ABCC1: variants seen among roughly 807,000 people sequenced by gnomAD.
ABCC1 encodes ATP binding cassette subfamily C member 1 (ABCC1 blood group), also known as multidrug resistance-associated protein 1.
ABCC1 carries 83 observed loss-of-function variants against 172.9 expected under a neutral mutation model. The observed-to-expected ratio is 0.48, with a 90% CI of 0.40 to 0.58. The LOEUF (loss-of-function observed/expected upper bound fraction) is 0.58. ABCC1 is among the 20% of genes least tolerant of loss of function. ABCC1 has a pLI of 0.00. For missense variants in ABCC1, 1,817 were observed against 2,002.7 expected, an observed-to-expected ratio of 0.91 and a Z score of 1.77; for synonymous variants, 937 against 825.2, an observed-to-expected ratio of 1.14 and a Z score of -2.32.
intron 24 of ABCC1, among the ~76,000 whole-genome samples, chr16:16,124,441 C>T (rs2045346637): frequency 6.7e-6 from 1 of 150,244 alleles, no homozygotes; most frequent in Non-Finnish European, 1.5e-5. Context: ...AGGAGTGACC[C>T]ACTACGCCCG....
intron 1 of ABCC1, among the ~76,000 whole-genome samples, chr16:15,970,027 T>G (rs2046331895): frequency 6.6e-6 from 1 of 152,096 alleles, no homozygotes; most frequent in South Asian, 2.1e-4. Context: ...GTGAGTGCAA[T>G]AGCGGGGTTT....
chr16:16,068,022 C>T, intron 12 of ABCC1, 134 bp from the exon 13 acceptor site: 1 of 883,872 alleles, frequency 1.1e-6, no homozygotes, highest in East Asian at 3.0e-5. Context: ...CCAGGTTTTT[C>T]CACGAGCTCC....
chr16:16,028,967 G>C (rs6498597), intron 5 of ABCC1, among the ~76,000 whole-genome samples: 19,029 of 152,016 alleles, frequency 0.13, 1,651 homozygotes, highest in African/African-American at 0.24. Flanking sequence ...TGGCTGTCAG[G>C]GTCCTCCCCC....
intron 1 of ABCC1, among the ~76,000 whole-genome samples, chr16:15,989,013 G>T (rs1486616590): frequency 7.5e-6 from 1 of 132,678 alleles, no homozygotes; most frequent in African/African-American, 2.9e-5. Context: ...AAGCTGTAAT[G>T]AGCTATAATC....
At chr16:16,101,173 A>T (rs2051727600) in intron 19 of ABCC1, among the ~76,000 whole-genome samples, 1 of 152,070 alleles carries the variant, frequency 6.6e-6, no homozygotes, top group Non-Finnish European at 1.5e-5. Context: ...GTGGGATTAC[A>T]GGCATGCACC....
intron 1 of ABCC1, among the ~76,000 whole-genome samples, chr16:15,985,255 G>A (rs541712805): frequency 1.3e-5 from 2 of 152,200 alleles, no homozygotes; most frequent in African/African-American, 2.4e-5. Context: ...CATTAGAAAT[G>A]CCCTGGGAGG....
Position 15,988,648 on chromosome 16 carries a change from G to A in ABCC1, c.49-19168G>A, listed in dbSNP as rs1222526680. Among the ~76,000 whole-genome samples, 5 of 152,172 alleles carry A rather than the reference G, an allele frequency of 3.3e-5. No homozygotes were observed. The East Asian group carries it at 5.8e-4, about 18-fold the overall frequency. On this transcript the variant is annotated intron_variant, in intron 1 of 30. Coordinates refer to ENST00000399410, the MANE Select transcript of ABCC1 (RefSeq NM_004996.4). Reference sequence around the variant, plus strand: ...TTCATAGGACGGGCCTTCCACGAGAGGCCTCATGGTGCTTGGGAGAGTTGG... The same window carrying A: ...TTCATAGGACGGGCCTTCCACGAGAAGCCTCATGGTGCTTGGGAGAGTTGG...
At chr16:15,989,008 G>A (rs1463170289) in intron 1 of ABCC1, among the ~76,000 whole-genome samples, 2 of 140,462 alleles carry the variant, frequency 1.4e-5, no homozygotes, top group Non-Finnish European at 3.0e-5. Context: ...GTTCAAAGCT[G>A]TAATGAGCTA....
chr16:15,950,057 G>C (rs2045831324), intron 1 of ABCC1, among the ~76,000 whole-genome samples: 1 of 152,130 alleles, frequency 6.6e-6, no homozygotes, highest in African/African-American at 2.4e-5. Flanking sequence ...GGTCGGGTCG[G>C]GTCAGAGCCG....
At chr16:16,104,804 G>A (rs985070294) in intron 20 of ABCC1, among the ~76,000 whole-genome samples, 13 of 152,290 alleles carry the variant, frequency 8.5e-5, no homozygotes, top group African/African-American at 2.2e-4. Context: ...TGCAGGTCCC[G>A]AGCCCTGCCC....
At position 16,134,477 on chromosome 16, in the gene ABCC1, A is replaced by G. The variant is rs1404954680; in HGVS notation, c.4094A>G (p.Asp1365Gly). Residue 1365 changes from aspartate (D) to glycine (G), a missense_variant, in exon 28 of 31, where the codon GAC (aspartate) becomes GGC (glycine). By Grantham distance (94) the Asp-to-Gly change is moderately conservative. Coordinates refer to ENST00000399410, the MANE Select transcript of ABCC1 (RefSeq NM_004996.4). ...GINIAKIGLH[D>G]LRFKITIIPQ... Reference sequence around the variant, plus strand: ...AACATCGCCAAGATCGGCCTGCACGACCTCCGCTTCAAGATCACCATCATC... The same window carrying G: ...AACATCGCCAAGATCGGCCTGCACGGCCTCCGCTTCAAGATCACCATCATC... 3 of 1,613,574 alleles carry G rather than the reference A, an allele frequency of 1.9e-6. No homozygotes were observed. In the African/African-American group the frequency reaches 4.0e-5, roughly 22 times the overall value.
At chr16:16,006,847 T>G (rs1040859667) in intron 1 of ABCC1, among the ~76,000 whole-genome samples, 1 of 89,572 alleles carries the variant, frequency 1.1e-5, no homozygotes, top group Admixed American at 1.3e-4. Flanking sequence ...TTATCCGTGG[T>G]GGTGGCGGTG....
chr16:16,117,451 G>A (rs1229467206), intron 23 of ABCC1, among the ~76,000 whole-genome samples: 1 of 152,108 alleles, frequency 6.6e-6, no homozygotes, highest in Non-Finnish European at 1.5e-5. Flanking sequence ...AATTTGGGTG[G>A]GGACACAGCC....
At chr16:16,011,354 G>A (rs1467228982) in intron 3 of ABCC1, among the ~76,000 whole-genome samples, 4 of 152,202 alleles carry the variant, frequency 2.6e-5, no homozygotes, top group Non-Finnish European at 5.9e-5. Flanking sequence ...GGGAGGACAA[G>A]GTGTTCGGTG....
rs529199210 is a variant in ABCC1, at chr16:15,977,390, C to G, written c.48+27591C>G. 3.3e-5 allele frequency among the ~76,000 whole-genome samples: 5 copies of G among 152,210 alleles called. No homozygotes were observed. The East Asian group carries it at 9.7e-4, about 29-fold the overall frequency. On this transcript the variant is annotated intron_variant, in intron 1 of 30. Transcript: ENST00000399410. ...TCTGGTCCTCTTCTGGCTCTTTGTC[C>G]CATTTATTATTATTTATTTTTATTT...
intron 1 of ABCC1, among the ~76,000 whole-genome samples, chr16:15,951,837 G>A (rs1022725885): frequency 9.2e-5 from 14 of 152,144 alleles, no homozygotes; most frequent in Non-Finnish European, 1.5e-5. Context: ...CTATAGGCGT[G>A]TGCCACCACG....
Position 16,105,798 on chromosome 16 carries a change from C to T in ABCC1, c.2736-940C>T, listed in dbSNP as rs538428009. On this transcript the variant is annotated intron_variant, in intron 20 of 30. Coordinates refer to ENST00000399410, the MANE Select transcript of ABCC1 (RefSeq NM_004996.4). ...CAGTGGCGCGATGTCAGCCACTGAACGGAAAACTGTGGGCGACGCAATCTG... is the reference window on the plus strand; with the variant it reads ...CAGTGGCGCGATGTCAGCCACTGAATGGAAAACTGTGGGCGACGCAATCTG... 2.3e-4 allele frequency among the ~76,000 whole-genome samples: 33 copies of T among 145,976 alleles called. 1 individual carries two copies. The highest frequency in any genetic ancestry group is 2.2e-3 in the East Asian group (11 of 4,952).
At chr16:16,053,667 G>A (rs532575805) in intron 11 of ABCC1, among the ~76,000 whole-genome samples, 13 of 150,774 alleles carry the variant, frequency 8.6e-5, no homozygotes, top group Non-Finnish European at 1.8e-4. Flanking sequence ...CGTGCCTGTA[G>A]TCCCAGCTAC....
intron 5 of ABCC1, among the ~76,000 whole-genome samples, chr16:16,017,609 A>G (rs2048047753): frequency 6.6e-6 from 1 of 152,040 alleles, no homozygotes; most frequent in Non-Finnish European, 1.5e-5. Context: ...ATTAATAATT[A>G]AAGATGGGGA....
Sources: allele counts gnomAD v4.1 joint callset (sites outside exome capture counted in the v4.1 genomes callset), GRCh38; gene constraint gnomAD v4.1.1; transcripts MANE v1.5; gene names NCBI Gene and HGNC (gene_info 2026-07-23, HGNC 2026-07-21).